Variants in LRRC4C observed in about 807,000 individuals in gnomAD.
LRRC4C encodes leucine rich repeat containing 4C, also known as leucine-rich repeat-containing protein 4C.
In LRRC4C, 5 loss-of-function variants were observed where a neutral mutation model predicts 33.6. That is an observed-to-expected ratio of 0.15 (90% CI 0.08 to 0.31). The LOEUF (loss-of-function observed/expected upper bound fraction) is 0.31. Among genes scored for constraint, LRRC4C ranks in the 10% least tolerant of loss-of-function variants. The pLI is 1.00. For synonymous variants in LRRC4C, 329 were observed against 302.0 expected, an observed-to-expected ratio of 1.09 and a Z score of -0.93; for missense variants, 560 against 796.7, an observed-to-expected ratio of 0.70 and a Z score of 3.58.
chr11:41,180,988 A>G (rs980251140), intron 1 of LRRC4C, among the ~76,000 whole-genome samples: 1 of 152,152 alleles, frequency 6.6e-6, no homozygotes, highest in East Asian at 1.9e-4. Flanking sequence ...GTGCAGACTC[A>G]GTTACCAGTT....
At chr11:40,773,663 T>A (rs1291965398) in intron 2 of LRRC4C, among the ~76,000 whole-genome samples, 1 of 152,046 alleles carries the variant, frequency 6.6e-6, no homozygotes, top group African/African-American at 2.4e-5. Context: ...AAGACAATAT[T>A]GTAGGGAACA....
chr11:40,276,486 A>G (rs747473003), intron 4 of LRRC4C, among the ~76,000 whole-genome samples: 2 of 152,172 alleles, frequency 1.3e-5, no homozygotes, highest in Non-Finnish European at 2.9e-5. Flanking sequence ...AATATGGAGC[A>G]GGCAATAATG....
intron 3 of LRRC4C, among the ~76,000 whole-genome samples, chr11:40,347,107 C>T (rs1008488973): frequency 6.6e-6 from 1 of 152,214 alleles, no homozygotes; most frequent in Non-Finnish European, 1.5e-5. Flanking sequence ...GATCTTCTTA[C>T]AAGAGAAGGT....
At chr11:40,147,111 G>C (rs1358350205) in intron 5 of LRRC4C, among the ~76,000 whole-genome samples, 1 of 152,148 alleles carries the variant, frequency 6.6e-6, no homozygotes, top group Non-Finnish European at 1.5e-5. Context: ...GCCTCATGTT[G>C]CAAGTGCCTG....
At chr11:40,435,971 T>A (rs1951123101) in intron 3 of LRRC4C, among the ~76,000 whole-genome samples, 1 of 152,210 alleles carries the variant, frequency 6.6e-6, no homozygotes, top group African/African-American at 2.4e-5. Context: ...AAGCCCATCC[T>A]CATACTGATA....
chr11:41,276,212 G>A (rs561212031), intron 1 of LRRC4C, among the ~76,000 whole-genome samples: 42 of 152,188 alleles, frequency 2.8e-4, no homozygotes, highest in African/African-American at 9.9e-4. Flanking sequence ...TAAAAATATT[G>A]TCTGTATAAG....
At chr11:40,422,902 T>G (rs1461877715) in intron 3 of LRRC4C, among the ~76,000 whole-genome samples, 1 of 152,124 alleles carries the variant, frequency 6.6e-6, no homozygotes, top group Non-Finnish European at 1.5e-5. Flanking sequence ...GTGAGTCAGT[T>G]TTTGAATACA....
At chr11:40,873,157 T>G (rs1276457177) in intron 2 of LRRC4C, among the ~76,000 whole-genome samples, 1 of 152,118 alleles carries the variant, frequency 6.6e-6, no homozygotes, top group African/African-American at 2.4e-5. Flanking sequence ...CTTGGGCAAA[T>G]TGCTTCCTCC....
intron 3 of LRRC4C, among the ~76,000 whole-genome samples, chr11:40,503,697 T>A (rs1383517469): frequency 6.6e-6 from 1 of 152,216 alleles, no homozygotes; most frequent in Non-Finnish European, 1.5e-5. Flanking sequence ...TTTACCACAT[T>A]CTTAAATTTT....
chr11:41,436,583 A>G (rs369000966), intron 1 of LRRC4C, among the ~76,000 whole-genome samples: 16 of 152,340 alleles, frequency 1.1e-4, no homozygotes, highest in East Asian at 7.7e-4. Flanking sequence ...TTTTATAGAA[A>G]TGACTGACCA....
chr11:40,210,113 T>C (rs1190530906), intron 5 of LRRC4C, among the ~76,000 whole-genome samples: 1 of 151,952 alleles, frequency 6.6e-6, no homozygotes, highest in Admixed American at 6.6e-5. Context: ...TTTATTTGTG[T>C]ATAAAGATTC....
At chr11:41,183,108 G>A (rs1276276966) in intron 1 of LRRC4C, among the ~76,000 whole-genome samples, 2 of 151,968 alleles carry the variant, frequency 1.3e-5, no homozygotes, top group Admixed American at 6.6e-5. Flanking sequence ...ATGACTCGTG[G>A]GAATTGTGAG....
intron 2 of LRRC4C, among the ~76,000 whole-genome samples, chr11:40,898,207 AGCCAGGCGTAGT>A (rs1956038917): frequency 6.6e-6 from 1 of 151,782 alleles, no homozygotes; most frequent in Non-Finnish European, 1.5e-5. Flanking sequence ...ATACAAAATT[AGCCAGGCGTAGT>A]GATGTATGCC....
intron 3 of LRRC4C, among the ~76,000 whole-genome samples, chr11:40,479,325 G>A (rs1210500924): frequency 6.6e-6 from 1 of 151,912 alleles, no homozygotes; most frequent in Non-Finnish European, 1.5e-5. Flanking sequence ...CTTCAAAAAG[G>A]TCTGCTGTGT....
At chr11:40,786,760 C>T (rs1373623036) in intron 2 of LRRC4C, among the ~76,000 whole-genome samples, 7 of 152,128 alleles carry the variant, frequency 4.6e-5, no homozygotes, top group Admixed American at 1.3e-4. Context: ...TCAAATCTCA[C>T]CCACCCCAAA....
At chr11:40,865,893 T>C (rs1402438273) in intron 2 of LRRC4C, among the ~76,000 whole-genome samples, 1 of 151,918 alleles carries the variant, frequency 6.6e-6, no homozygotes, top group East Asian at 1.9e-4. Flanking sequence ...ACATAAGCAC[T>C]TTTCCCGAAG....
chr11:40,911,774 T>C (rs1035932754), intron 2 of LRRC4C, among the ~76,000 whole-genome samples: 21 of 152,106 alleles, frequency 1.4e-4, no homozygotes, highest in African/African-American at 5.1e-4. Flanking sequence ...TTCGAACCCA[T>C]GGCAAAGAAG....
intron 5 of LRRC4C, among the ~76,000 whole-genome samples, chr11:40,179,961 G>T (rs1474466134): frequency 6.6e-6 from 1 of 152,088 alleles, no homozygotes; most frequent in Non-Finnish European, 1.5e-5. Flanking sequence ...TGAATAGATA[G>T]ATGTATCACA....
chr11:41,232,782 ACG>A (rs1947858113), intron 1 of LRRC4C, among the ~76,000 whole-genome samples: 1 of 150,264 alleles, frequency 6.7e-6, no homozygotes, highest in Admixed American at 6.7e-5. Flanking sequence ...ACACACACAC[ACG>A]TCATAGTGAA....
Sources: gnomAD v4.1 joint callset for allele counts (sites outside exome capture counted in the v4.1 genomes callset) on GRCh38, gnomAD v4.1.1 for gene constraint, MANE v1.5 for transcripts, NCBI Gene and HGNC (gene_info 2026-07-23, HGNC 2026-07-21) for gene names.